CADM1: variants seen among roughly 807,000 people sequenced by gnomAD.
The protein encoded by CADM1 is cell adhesion molecule 1, also known as TSLC-1.
In CADM1, 15 loss-of-function variants were observed where a neutral mutation model predicts 53.1. That is an observed-to-expected ratio of 0.28 (90% CI 0.19 to 0.44). CADM1 has a LOEUF of 0.44. CADM1 is among the 20% of genes least tolerant of loss of function. The probability of loss-of-function intolerance (pLI) is 1.00; values close to 1 mark genes in which losing one functional copy is unlikely to be tolerated. For synonymous variants in CADM1, 281 were observed against 243.0 expected, an observed-to-expected ratio of 1.16 and a Z score of -1.45; for missense variants, 434 against 611.3, an observed-to-expected ratio of 0.71 and a Z score of 3.06.
chr11:115,206,784 T>TTTTTTTTTTTTTTTTTTC (rs1940716162), intron 8 of CADM1, among the ~76,000 whole-genome samples: 1 of 137,528 alleles, frequency 7.3e-6, no homozygotes, highest in Non-Finnish European at 1.5e-5. Context: ...TTTTTTTTTT[T>TTTTTTTTTTTTTTTTTTC]TTTTTAAGCT....
chr11:115,372,879 G>T (rs551590189), intron 1 of CADM1, among the ~76,000 whole-genome samples: 5 of 152,272 alleles, frequency 3.3e-5, no homozygotes, highest in African/African-American at 1.2e-4. Context: ...ACCTAAACCA[G>T]GCCTGGATCT....
chr11:115,305,152 C>T (rs1944331243), intron 1 of CADM1, among the ~76,000 whole-genome samples: 1 of 151,898 alleles, frequency 6.6e-6, no homozygotes, highest in Admixed American at 6.6e-5. Context: ...TCCAAATCAC[C>T]CGGAGCCCTC....
chr11:115,471,753 T>A (rs184479399), intron 1 of CADM1, among the ~76,000 whole-genome samples: 6 of 152,112 alleles, frequency 3.9e-5, no homozygotes, highest in African/African-American at 1.4e-4. Flanking sequence ...TGGAGTGAAC[T>A]GGAGGGTTTC....
At chr11:115,258,660 C>G (rs1187571150) in intron 1 of CADM1, among the ~76,000 whole-genome samples, 1 of 152,202 alleles carries the variant, frequency 6.6e-6, no homozygotes, top group Non-Finnish European at 1.5e-5. Context: ...GAAGCTAAAA[C>G]TCTACTTTTA....
At chr11:115,416,382 T>C (rs968274374) in intron 1 of CADM1, among the ~76,000 whole-genome samples, 2 of 152,122 alleles carry the variant, frequency 1.3e-5, no homozygotes, top group African/African-American at 4.8e-5. Flanking sequence ...TGATATGAAG[T>C]GAACTGTTCA....
At chr11:115,472,822 A>T (rs962994929) in intron 1 of CADM1, among the ~76,000 whole-genome samples, 52 of 152,328 alleles carry the variant, frequency 3.4e-4, no homozygotes, top group South Asian at 8.3e-4. Context: ...AAAGAATATT[A>T]TACCTTGTTA....
intron 1 of CADM1, among the ~76,000 whole-genome samples, chr11:115,385,372 G>C (rs1946674492): frequency 6.6e-6 from 1 of 152,028 alleles, no homozygotes; most frequent in South Asian, 2.1e-4. Context: ...TTCTATGTGT[G>C]AGTACTTCTA....
chr11:115,430,541 A>T (rs901895552), intron 1 of CADM1, among the ~76,000 whole-genome samples: 5 of 152,242 alleles, frequency 3.3e-5, no homozygotes, highest in African/African-American at 9.6e-5. Context: ...AGCTCTGTCC[A>T]CTGCATTCAG....
intron 1 of CADM1, among the ~76,000 whole-genome samples, chr11:115,416,917 T>G (rs1263094252): frequency 6.6e-6 from 1 of 152,088 alleles, no homozygotes; most frequent in Non-Finnish European, 1.5e-5. Flanking sequence ...ACAGTAGAGA[T>G]TAAAAAGAGG....
chr11:115,303,241 G>A (rs866820416), intron 1 of CADM1, among the ~76,000 whole-genome samples: 5 of 152,142 alleles, frequency 3.3e-5, no homozygotes, highest in Middle Eastern at 3.4e-3. Context: ...AGGAGGCAAA[G>A]TATAAGGGAA....
At chr11:115,361,567 T>C (rs1184617916) in intron 1 of CADM1, among the ~76,000 whole-genome samples, 1 of 152,156 alleles carries the variant, frequency 6.6e-6, no homozygotes, top group Non-Finnish European at 1.5e-5. Context: ...ATATTTTGCA[T>C]GTGACTGAGA....
chr11:115,212,947 T>C (rs1366357573), intron 7 of CADM1, among the ~76,000 whole-genome samples: 1 of 152,224 alleles, frequency 6.6e-6, no homozygotes, highest in Non-Finnish European at 1.5e-5. Context: ...TATTCAAATA[T>C]ATCTGTCCAT....
intron 1 of CADM1, among the ~76,000 whole-genome samples, chr11:115,378,545 G>A (rs1025625722): frequency 6.6e-6 from 1 of 152,076 alleles, no homozygotes; most frequent in African/African-American, 2.4e-5. Flanking sequence ...CTAAAATACA[G>A]TAAGAAAGGA....
intron 1 of CADM1, among the ~76,000 whole-genome samples, chr11:115,334,458 A>AGTACTCATCAATTGATGAGTACC (rs1279531390): frequency 1.9e-4 from 28 of 145,780 alleles, no homozygotes; most frequent in African/African-American, 3.9e-4. Context: ...TGATGAGTAC[A>AGTACTCATCAATTGATGAGTACC]GTACTCATCA....
At chr11:115,273,575 C>T (rs1281240949) in intron 1 of CADM1, among the ~76,000 whole-genome samples, 1 of 151,984 alleles carries the variant, frequency 6.6e-6, no homozygotes, top group African/African-American at 2.4e-5. Context: ...AACTAGGTAC[C>T]TTAAATGCCA....
At chr11:115,373,399 A>T (rs904352851) in intron 1 of CADM1, among the ~76,000 whole-genome samples, 1 of 152,018 alleles carries the variant, frequency 6.6e-6, no homozygotes, top group Non-Finnish European at 1.5e-5. Context: ...AGCCTGGCCA[A>T]CATGGCAAAA....
At chr11:115,223,359 C>G (rs911127120) in intron 5 of CADM1, among the ~76,000 whole-genome samples, 1 of 152,110 alleles carries the variant, frequency 6.6e-6, no homozygotes, top group African/African-American at 2.4e-5. Flanking sequence ...TTGACCATTC[C>G]TTTTAGATTT....
In CADM1 at chr11:115,214,605, T is replaced by C. The variant is rs1378451266; in HGVS notation, c.994+3A>G. 2 of 1,613,378 alleles carry C rather than the reference T, an allele frequency of 1.2e-6. No individual in the cohort carries two copies. The highest frequency in any genetic ancestry group is 1.7e-5 in the Admixed American group (1 of 60,024). On this transcript the variant is annotated splice_donor_region_variant and intron_variant, in intron 7 of 11. Transcript: ENST00000331581. ...TAGAAGAGCATTTTATCTTCTCACG[T>C]ACCGTATACATACAGCATATAATCC...
rs558790881 is a variant in CADM1, at chr11:115,262,444, G to T, written c.125-22024C>A. ...TTACTTATATTACAAAGGCTGATCA[G>T]GGAGCCTTTTGTGGTCTCCCACGAC... On this transcript the variant is annotated intron_variant, in intron 1 of 11. Transcript: ENST00000331581. 2.0e-5 allele frequency among the ~76,000 whole-genome samples: 3 copies of T among 152,290 alleles called. No individual in the cohort carries two copies. In the East Asian group the frequency reaches 5.8e-4, roughly 29 times the overall value.
Sources: gnomAD v4.1 joint callset for allele counts (sites outside exome capture counted in the v4.1 genomes callset) on GRCh38, gnomAD v4.1.1 for gene constraint, MANE v1.5 for transcripts, NCBI Gene and HGNC (gene_info 2026-07-23, HGNC 2026-07-21) for gene names.